The following TMEM163 variants were observed in gnomAD, a reference collection of about 807,000 sequenced individuals.
The protein encoded by TMEM163 is transmembrane protein 163.
TMEM163 carries 17 observed loss-of-function variants against 29.3 expected under a neutral mutation model. The ratio of observed to expected loss-of-function variants is 0.58; its 90% CI spans 0.40 to 0.87. The LOEUF (loss-of-function observed/expected upper bound fraction) is 0.87. Ranked by LOEUF, TMEM163 falls within the 40% of genes least tolerant of loss-of-function variation. The probability of loss-of-function intolerance (pLI) is 0.00; values close to 1 mark genes in which losing one functional copy is unlikely to be tolerated. For synonymous variants in TMEM163, 157 were observed against 160.6 expected, an observed-to-expected ratio of 0.98 and a Z score of 0.17; for missense variants, 303 against 381.5, an observed-to-expected ratio of 0.79 and a Z score of 1.71.
At chr2:134,615,266 T>C (rs1682584177) in intron 2 of TMEM163, among the ~76,000 whole-genome samples, 1 of 152,236 alleles carries the variant, frequency 6.6e-6, no homozygotes, top group Admixed American at 6.5e-5. Flanking sequence ...ACATGAATTC[T>C]GCTAAAATAG....
chr2:134,625,723 G>C (rs1446612744), intron 2 of TMEM163, among the ~76,000 whole-genome samples: 3 of 152,280 alleles, frequency 2.0e-5, no homozygotes, highest in Middle Eastern at 6.8e-3. Flanking sequence ...TGACATAAAA[G>C]GTACAAAAGG....
chr2:134,483,972 C>T (rs1352960064), intron 5 of TMEM163, among the ~76,000 whole-genome samples: 1 of 152,134 alleles, frequency 6.6e-6, no homozygotes, highest in African/African-American at 2.4e-5. Context: ...GGCAAAACCT[C>T]ATCTCTACAA....
Position 134,456,427 on chromosome 2 carries a change from T to G in TMEM163, c.*289A>C. ...ACCGAAGACCTTTCTGCCAAAGATC[T>G]CATCCTACCCATGAGAACCATCATA... On this transcript the variant is annotated 3_prime_UTR_variant, in exon 8 of 8. Coordinates refer to ENST00000281924, the MANE Select transcript of TMEM163 (RefSeq NM_030923.5). 9.4e-6 allele frequency: 4 copies of G among 427,718 alleles called. No individual in the cohort carries two copies. The highest frequency in any genetic ancestry group is 1.3e-5 in the Non-Finnish European group (3 of 230,788). 26.5% of individuals were successfully genotyped at this position (427,718 alleles called of 1,614,324 possible).
chr2:134,699,191 T>C (rs986340274), intron 2 of TMEM163, among the ~76,000 whole-genome samples: 32 of 152,292 alleles, frequency 2.1e-4, no homozygotes, highest in Admixed American at 6.5e-4. Flanking sequence ...AAAAATCACG[T>C]AGCGTATTAT....
At chr2:134,544,274 A>G (rs1369132019) in intron 4 of TMEM163, among the ~76,000 whole-genome samples, 1 of 152,144 alleles carries the variant, frequency 6.6e-6, no homozygotes, top group Non-Finnish European at 1.5e-5. Context: ...GGCCCTGCCA[A>G]GTTCCTCCTA....
chr2:134,710,554 T>G (rs940814223), intron 2 of TMEM163, among the ~76,000 whole-genome samples: 1 of 152,050 alleles, frequency 6.6e-6, no homozygotes, highest in Non-Finnish European at 1.5e-5. Flanking sequence ...TGTAATTGTT[T>G]ATAAAATAAA....
intron 2 of TMEM163, among the ~76,000 whole-genome samples, chr2:134,559,657 G>C (rs1268960062): frequency 2.0e-5 from 3 of 152,090 alleles, no homozygotes; most frequent in African/African-American, 7.2e-5. Flanking sequence ...CTCACATGAC[G>C]AATGGGTGGC....
intron 4 of TMEM163, among the ~76,000 whole-genome samples, chr2:134,547,601 G>GATTTC (rs1326345197): frequency 6.6e-6 from 1 of 152,160 alleles, no homozygotes; most frequent in African/African-American, 2.4e-5. Context: ...AGCTGGCAGT[G>GATTTC]ATTTCATTAA....
At position 134,456,082 on chromosome 2, in the gene TMEM163, A is replaced by C. The variant is rs1686380669; in HGVS notation, c.*634T>G. 1 of 152,748 alleles carries C rather than the reference A, an allele frequency of 6.5e-6. No individual in the cohort carries two copies. The highest frequency in any genetic ancestry group is 2.4e-5 in the African/African-American group (1 of 41,460). 9.5% of individuals were successfully genotyped at this position (152,748 alleles called of 1,614,324 possible). On this transcript the variant is annotated 3_prime_UTR_variant, in exon 8 of 8. Transcript: ENST00000281924. Reference sequence around the variant, plus strand: ...ATGGATGTTCAGGTTCTGAATGTACAAGAAAAGGTCAATGTGCTTATTTAA... The same window carrying C: ...ATGGATGTTCAGGTTCTGAATGTACCAGAAAAGGTCAATGTGCTTATTTAA...
intron 2 of TMEM163, among the ~76,000 whole-genome samples, chr2:134,659,079 T>C (rs1439486216): frequency 6.6e-6 from 1 of 152,246 alleles, no homozygotes; most frequent in African/African-American, 2.4e-5. Flanking sequence ...CTAGACTATG[T>C]GGTATGGCCT....
intron 2 of TMEM163, among the ~76,000 whole-genome samples, chr2:134,677,749 T>C (rs1684146922): frequency 6.6e-6 from 1 of 152,222 alleles, no homozygotes; most frequent in Non-Finnish European, 1.5e-5. Flanking sequence ...TCCAAAATGA[T>C]GTGTTACTTC....
At chr2:134,647,513 G>A (rs1276232000) in intron 2 of TMEM163, among the ~76,000 whole-genome samples, 2 of 151,906 alleles carry the variant, frequency 1.3e-5, no homozygotes, top group Non-Finnish European at 2.9e-5. Flanking sequence ...TCAATCTGTC[G>A]CACTGTACAT....
At chr2:134,596,065 C>T (rs868498087) in intron 2 of TMEM163, among the ~76,000 whole-genome samples, 10 of 152,056 alleles carry the variant, frequency 6.6e-5, no homozygotes, top group East Asian at 5.8e-4. Context: ...TGTAGGTTGC[C>T]GGTTCACTCT....
chr2:134,612,327 T>G (rs1233692132), intron 2 of TMEM163, among the ~76,000 whole-genome samples: 1 of 152,016 alleles, frequency 6.6e-6, no homozygotes, highest in African/African-American at 2.4e-5. Flanking sequence ...ACTTGAAGAT[T>G]TAGGAAATGA....
chr2:134,671,792 G>A (rs972250780), intron 2 of TMEM163, among the ~76,000 whole-genome samples: 23 of 152,176 alleles, frequency 1.5e-4, no homozygotes, highest in African/African-American at 5.5e-4. Context: ...AGCCATCTGA[G>A]TCCAAATCCT....
chr2:134,555,578 C>T (rs1328359109), intron 2 of TMEM163, among the ~76,000 whole-genome samples: 1 of 152,206 alleles, frequency 6.6e-6, no homozygotes, highest in East Asian at 1.9e-4. Context: ...GACCAGGCAG[C>T]CGTGGGGCGG....
chr2:134,651,281 T>A, intron 2 of TMEM163, among the ~76,000 whole-genome samples: 1 of 137,390 alleles, frequency 7.3e-6, no homozygotes, highest in East Asian at 2.0e-4. Context: ...GATTTGCATT[T>A]CTCTGATGGC....
In TMEM163 at chr2:134,456,660, C is replaced by A. The variant is rs1686402674; in HGVS notation, c.*56G>T. On this transcript the variant is annotated 3_prime_UTR_variant, in exon 8 of 8. Transcript: ENST00000281924. ...AGATGTTCAGTTAAATATTGGCACC[C>A]TTTGCCTATGTGGAAACTCCTCATC... 2 of 1,591,396 alleles carry A rather than the reference C, an allele frequency of 1.3e-6. No homozygotes were observed. Among genetic ancestry groups the A allele is most frequent in the African/African-American group, 2.7e-5 (2 of 74,314 alleles).
chr2:134,689,196 C>A (rs1301565514), intron 2 of TMEM163, among the ~76,000 whole-genome samples: 1 of 150,470 alleles, frequency 6.6e-6, no homozygotes, highest in Non-Finnish European at 1.5e-5. Context: ...GCAACCTCTG[C>A]CTTCCAGATT....
Sources: allele counts gnomAD v4.1 joint callset (sites outside exome capture counted in the v4.1 genomes callset), GRCh38; gene constraint gnomAD v4.1.1; transcripts MANE v1.5; gene names NCBI Gene and HGNC (gene_info 2026-07-23, HGNC 2026-07-21).